DSCAM: variants seen among roughly 807,000 people sequenced by gnomAD.
The protein encoded by DSCAM is cell adhesion molecule DSCAM.
Under a neutral mutation model 217.7 loss-of-function variants are expected in DSCAM, and 47 were observed. The observed-to-expected ratio is 0.22, with a 90% CI of 0.17 to 0.28. The LOEUF (loss-of-function observed/expected upper bound fraction) is 0.28, where lower values mean the gene tolerates loss of function less well. Among genes scored for constraint, DSCAM ranks in the 10% least tolerant of loss-of-function variants. The pLI, the probability that DSCAM is intolerant of heterozygous loss-of-function variation, is 1.00. For missense variants in DSCAM, 2,080 were observed against 2,618.3 expected, an observed-to-expected ratio of 0.79 and a Z score of 4.49; for synonymous variants, 1,056 against 1,015.3, an observed-to-expected ratio of 1.04 and a Z score of -0.76.
intron 1 of DSCAM, among the ~76,000 whole-genome samples, chr21:40,818,102 CAAAAAA>C (rs35894315): frequency 3.6e-4 from 19 of 52,246 alleles, no homozygotes; most frequent in African/African-American, 1.6e-3. Flanking sequence ...GACTCCGTCT[CAAAAAA>C]AAAAAAAAAA....
At chr21:40,141,699 C>T (rs1022636078) in intron 18 of DSCAM, among the ~76,000 whole-genome samples, 9 of 152,094 alleles carry the variant, frequency 5.9e-5, no homozygotes, top group African/African-American at 2.2e-4. Flanking sequence ...AAATGGAGGG[C>T]AGGGGAGGAG....
intron 30 of DSCAM, among the ~76,000 whole-genome samples, chr21:40,044,622 AAAC>A (rs1470924162): frequency 6.6e-6 from 1 of 152,220 alleles, no homozygotes; most frequent in East Asian, 1.9e-4. Context: ...TTACAGGACA[AAAC>A]AAGAAAATTT....
At chr21:40,115,331 G>A (rs537725892) in intron 20 of DSCAM, among the ~76,000 whole-genome samples, 7 of 152,164 alleles carry the variant, frequency 4.6e-5, no homozygotes, top group South Asian at 2.1e-4. Flanking sequence ...ACCAAACGCC[G>A]CAAGTTCTCA....
chr21:40,304,300 C>T (rs2074048012), intron 9 of DSCAM, among the ~76,000 whole-genome samples: 2 of 152,266 alleles, frequency 1.3e-5, no homozygotes, highest in Admixed American at 1.3e-4. Flanking sequence ...TCTTATGCAG[C>T]TTCCTCACGT....
intron 3 of DSCAM, among the ~76,000 whole-genome samples, chr21:40,651,953 C>T (rs944534163): frequency 5.3e-5 from 8 of 152,100 alleles, no homozygotes; most frequent in African/African-American, 1.9e-4. Flanking sequence ...AGAGGTCAGC[C>T]CCCCCACCTT....
intron 3 of DSCAM, among the ~76,000 whole-genome samples, chr21:40,593,633 A>C (rs1422598482): frequency 6.6e-6 from 1 of 152,238 alleles, no homozygotes; most frequent in African/African-American, 2.4e-5. Context: ...GGCATGAGCC[A>C]CTATACCAGG....
intron 3 of DSCAM, among the ~76,000 whole-genome samples, chr21:40,414,449 G>A (rs1028840317): frequency 4.6e-5 from 7 of 152,116 alleles, no homozygotes; most frequent in Non-Finnish European, 7.4e-5. Context: ...ATACCTCCTA[G>A]AATAGCTAAA....
chr21:40,578,368 G>T (rs140749645), intron 3 of DSCAM, among the ~76,000 whole-genome samples: 3 of 152,050 alleles, frequency 2.0e-5, no homozygotes, highest in African/African-American at 7.3e-5. Flanking sequence ...ACCAATCAGC[G>T]CTCTGTGTCT....
At chr21:40,577,716 A>G (rs2076865350) in intron 3 of DSCAM, among the ~76,000 whole-genome samples, 1 of 152,194 alleles carries the variant, frequency 6.6e-6, no homozygotes, top group African/African-American at 2.4e-5. Context: ...GTCTAGTTAG[A>G]ACAATTTTAC....
intron 3 of DSCAM, among the ~76,000 whole-genome samples, chr21:40,586,427 A>G (rs766886375): frequency 2.0e-5 from 3 of 152,256 alleles, no homozygotes; most frequent in Non-Finnish European, 4.4e-5. Flanking sequence ...TGATTAAGGA[A>G]AATGACAACA....
intron 20 of DSCAM, among the ~76,000 whole-genome samples, chr21:40,111,695 G>A (rs1476147324): frequency 6.6e-6 from 1 of 152,062 alleles, no homozygotes; most frequent in Admixed American, 6.6e-5. Flanking sequence ...GACACATATA[G>A]GCTCAAAATA....
chr21:40,420,398 T>C (rs1438843761), intron 3 of DSCAM, among the ~76,000 whole-genome samples: 1 of 152,188 alleles, frequency 6.6e-6, no homozygotes, highest in African/African-American at 2.4e-5. Flanking sequence ...GAATGCCTGG[T>C]ATTTATAATT....
Position 40,052,097 on chromosome 21 carries a change from G to A in DSCAM, c.5046C>T (p.Ser1682=). ...AGTCAGCATCCGTCAACAGAACCGT[G>A]GAGCGATCATCTACAGGATGGCAGG... ...RDTMETIDDR[S]TVLLTDADFG... is the part of the protein sequence containing the mutation. Residue 1682 remains serine (S), a synonymous_variant, in exon 30 of 33, where the codon TCC becomes TCT. Transcript: ENST00000400454. 1 of 1,613,820 alleles carries A rather than the reference G, an allele frequency of 6.2e-7. No homozygotes were observed. Among genetic ancestry groups the A allele is most frequent in the East Asian group, 2.2e-5 (1 of 44,842 alleles).
intron 20 of DSCAM, among the ~76,000 whole-genome samples, chr21:40,112,244 A>G (rs942095876): frequency 6.8e-6 from 1 of 148,120 alleles, no homozygotes; most frequent in Non-Finnish European, 1.5e-5. Flanking sequence ...ATCAAACTAG[A>G]ACTCAGGATT....
rs965991927 is a variant in DSCAM at position 40,075,282 on chromosome 21, A to G, written c.4712-69T>C. ...GCATGGCGGAGCTTTTAGGGATGAC[A>G]GGTTATAAAAATCGCGCTGTGTGAT... On this transcript the variant is annotated intron_variant, in intron 26 of 32. Transcript: ENST00000400454. The G allele has an allele frequency of 3.9e-6, 6 of 1,552,092 alleles. No homozygotes were observed. In the African/African-American group the frequency reaches 5.4e-5, roughly 14 times the overall value.
At chr21:40,698,738 C>T (rs1213216502) in intron 2 of DSCAM, among the ~76,000 whole-genome samples, 3 of 152,172 alleles carry the variant, frequency 2.0e-5, no homozygotes, top group African/African-American at 7.2e-5. Flanking sequence ...GGCGTGGTGG[C>T]GCATGCCTGT....
intron 1 of DSCAM, among the ~76,000 whole-genome samples, chr21:40,769,178 C>T (rs1320629332): frequency 1.3e-5 from 2 of 150,860 alleles, no homozygotes; most frequent in African/African-American, 5.0e-5. Flanking sequence ...CTGCAGGGAA[C>T]ATTCCAGAAC....
intron 3 of DSCAM, among the ~76,000 whole-genome samples, chr21:40,560,210 A>G (rs2076709336): frequency 6.6e-6 from 1 of 152,178 alleles, no homozygotes; most frequent in African/African-American, 2.4e-5. Context: ...GAGACCATGC[A>G]TGTTGTCTCA....
At chr21:40,094,494 G>A (rs1016194605) in intron 20 of DSCAM, among the ~76,000 whole-genome samples, 1 of 152,140 alleles carries the variant, frequency 6.6e-6, no homozygotes, top group African/African-American at 2.4e-5. Context: ...AGATTGAAGA[G>A]GGTCCTACTT....
Sources: allele counts gnomAD v4.1 joint callset (sites outside exome capture counted in the v4.1 genomes callset), GRCh38; gene constraint gnomAD v4.1.1; transcripts MANE v1.5; gene names NCBI Gene and HGNC (gene_info 2026-07-23, HGNC 2026-07-21).